The following RBFOX1 variants were observed in gnomAD, a reference collection of about 807,000 sequenced individuals.
RBFOX1 encodes RNA binding fox-1 homolog 1, also known as RNA binding protein fox-1 homolog 1.
In RBFOX1, 8 loss-of-function variants were observed where a neutral mutation model predicts 57.7. The ratio of observed to expected loss-of-function variants is 0.14; its 90% CI spans 0.08 to 0.25. The LOEUF is 0.25. Among genes scored for constraint, RBFOX1 ranks in the 10% least tolerant of loss-of-function variants. The pLI, the probability that RBFOX1 is intolerant of heterozygous loss-of-function variation, is 1.00. For synonymous variants in RBFOX1, 326 were observed against 222.4 expected (o/e 1.47, Z -4.15); for missense variants, 611 against 548.5 (o/e 1.11, Z -1.14).
chr16:7,551,485 A>G (rs1238312544), intron 5 of RBFOX1, among the ~76,000 whole-genome samples: 3 of 152,158 alleles, frequency 2.0e-5, no homozygotes, highest in African/African-American at 7.2e-5. Context: ...CACTGGAGAG[A>G]CAGTAGTGAT....
At chr16:5,752,361 T>C (rs2053239814) in intron 3 of RBFOX1, among the ~76,000 whole-genome samples, 2 of 152,194 alleles carry the variant, frequency 1.3e-5, no homozygotes, top group Admixed American at 1.3e-4. Context: ...TGAAATAGTC[T>C]GTACAGGAAA....
chr16:6,547,748 CA>C (rs1225980996), intron 2 of RBFOX1, among the ~76,000 whole-genome samples: 1 of 151,838 alleles, frequency 6.6e-6, no homozygotes, highest in Non-Finnish European at 1.5e-5. Context: ...TCGTTTAGAC[CA>C]GGGGTCCTTC....
At chr16:5,408,267 T>C (rs539266993) in intron 1 of RBFOX1, among the ~76,000 whole-genome samples, 25 of 152,276 alleles carry the variant, frequency 1.6e-4, no homozygotes, top group Admixed American at 1.5e-3. Flanking sequence ...AGACCCAAGA[T>C]TGGAGAGAGA....
intron 3 of RBFOX1, among the ~76,000 whole-genome samples, chr16:5,636,229 TC>T (rs1470595763): frequency 2.6e-5 from 4 of 152,066 alleles, no homozygotes; most frequent in African/African-American, 9.7e-5. Flanking sequence ...ATGCCTGTAG[TC>T]CCAGCTACTC....
intron 4 of RBFOX1, among the ~76,000 whole-genome samples, chr16:7,279,240 C>T (rs1382101667): frequency 6.6e-6 from 1 of 151,936 alleles, no homozygotes; most frequent in Non-Finnish European, 1.5e-5. Context: ...ATAAATGCTG[C>T]ATTTTCTCTG....
At chr16:7,651,937 T>G (rs1321526968) in intron 11 of RBFOX1, among the ~76,000 whole-genome samples, 1 of 151,706 alleles carries the variant, frequency 6.6e-6, no homozygotes, top group East Asian at 1.9e-4. Flanking sequence ...ACTGGGAGGG[T>G]TAGAGAAGCG....
chr16:5,964,590 C>A (rs1293893086), intron 4 of RBFOX1, among the ~76,000 whole-genome samples: 1 of 151,832 alleles, frequency 6.6e-6, no homozygotes, highest in South Asian at 2.1e-4. Context: ...TGTATATATG[C>A]ATCTATATCT....
chr16:6,498,098 A>C (rs563175325), intron 2 of RBFOX1, among the ~76,000 whole-genome samples: 1 of 151,782 alleles, frequency 6.6e-6, no homozygotes, highest in African/African-American at 2.4e-5. Flanking sequence ...AAAATGTTAT[A>C]AAAAATAGCC....
intron 3 of RBFOX1, among the ~76,000 whole-genome samples, chr16:6,821,512 C>G (rs909244702): frequency 6.6e-6 from 1 of 152,072 alleles, no homozygotes; most frequent in Non-Finnish European, 1.5e-5. Context: ...TTCATTATCC[C>G]AAAAAGAAAT....
chr16:7,343,025 G>A (rs1327269904), intron 4 of RBFOX1, among the ~76,000 whole-genome samples: 3 of 152,178 alleles, frequency 2.0e-5, no homozygotes, highest in Non-Finnish European at 4.4e-5. Context: ...GCAGGACGGG[G>A]AGGGTGGACT....
chr16:5,618,047 C>T (rs911651267), intron 3 of RBFOX1, among the ~76,000 whole-genome samples: 9 of 152,286 alleles, frequency 5.9e-5, no homozygotes, highest in Middle Eastern at 3.4e-3. Flanking sequence ...ATCTGGAGTA[C>T]ACAACATTAT....
At chr16:6,842,804 A>G (rs1032293225) in intron 3 of RBFOX1, among the ~76,000 whole-genome samples, 1 of 151,906 alleles carries the variant, frequency 6.6e-6, no homozygotes, top group African/African-American at 2.4e-5. Flanking sequence ...TATTTGTCCT[A>G]ATGCTCTCCC....
intron 3 of RBFOX1, among the ~76,000 whole-genome samples, chr16:6,770,938 G>A (rs769714140): frequency 1.1e-4 from 17 of 152,086 alleles, no homozygotes; most frequent in South Asian, 4.2e-4. Flanking sequence ...TTTGGAGGCC[G>A]AATTGTGTCT....
At chr16:5,681,117 A>T (rs1450632288) in intron 3 of RBFOX1, among the ~76,000 whole-genome samples, 1 of 152,042 alleles carries the variant, frequency 6.6e-6, no homozygotes, top group Non-Finnish European at 1.5e-5. Flanking sequence ...TCTGTCACCC[A>T]GTCTGGAGTG....
chr16:6,002,139 T>C (rs1323964659), intron 4 of RBFOX1, among the ~76,000 whole-genome samples: 2 of 152,028 alleles, frequency 1.3e-5, no homozygotes, highest in Admixed American at 6.5e-5. Flanking sequence ...GCCCGGCTAA[T>C]TAAAAGATAA....
intron 4 of RBFOX1, among the ~76,000 whole-genome samples, chr16:7,334,800 G>C (rs1458034498): frequency 1.3e-5 from 2 of 152,204 alleles, no homozygotes; most frequent in Non-Finnish European, 2.9e-5. Context: ...CTCCTTTGCA[G>C]AGCATTTGAG....
At chr16:7,246,495 G>A (rs548051736) in intron 4 of RBFOX1, among the ~76,000 whole-genome samples, 12 of 152,078 alleles carry the variant, frequency 7.9e-5, no homozygotes, top group Non-Finnish European at 1.8e-4. Flanking sequence ...GCATTATCTG[G>A]CCTCTCTCCA....
At chr16:6,412,193 A>C (rs560931785) in intron 2 of RBFOX1, among the ~76,000 whole-genome samples, 1 of 152,254 alleles carries the variant, frequency 6.6e-6, no homozygotes, top group South Asian at 2.1e-4. Flanking sequence ...ACAGTAGTCA[A>C]ATACTGGGTA....
chr16:6,339,774 G>A (rs538966171), intron 2 of RBFOX1, among the ~76,000 whole-genome samples: 8 of 152,032 alleles, frequency 5.3e-5, no homozygotes, highest in Admixed American at 2.6e-4. Flanking sequence ...AGGTTCAAGC[G>A]ATTCTCCTGC....
Sources: allele counts gnomAD v4.1 joint callset (sites outside exome capture counted in the v4.1 genomes callset), GRCh38; gene constraint gnomAD v4.1.1; transcripts MANE v1.5; gene names NCBI Gene and HGNC (gene_info 2026-07-23, HGNC 2026-07-21).